GPC6: variants seen among roughly 807,000 people sequenced by gnomAD.
The protein encoded by GPC6 is glypican 6.
GPC6 carries 14 observed loss-of-function variants against 55.2 expected under a neutral mutation model. The observed-to-expected ratio is 0.25, with a 90% confidence interval of 0.17 to 0.40. GPC6 has a LOEUF of 0.40. GPC6 is among the 10% of genes least tolerant of loss of function. GPC6 has a pLI of 1.00. For missense variants in GPC6, 641 were observed against 708.5 expected (o/e 0.90, Z 1.08); for synonymous variants, 278 against 259.6 (o/e 1.07, Z -0.68).
chr13:94,071,879 A>C (rs991853521), intron 4 of GPC6, among the ~76,000 whole-genome samples: 1 of 152,352 alleles, frequency 6.6e-6, no homozygotes, highest in Non-Finnish European at 1.5e-5. Flanking sequence ...GTCACAGGAC[A>C]CCCAAAGTCT....
intron 1 of GPC6, among the ~76,000 whole-genome samples, chr13:93,356,483 G>C (rs1050397624): frequency 1.3e-5 from 2 of 152,190 alleles, no homozygotes; most frequent in African/African-American, 4.8e-5. Flanking sequence ...CAAGGGCAAG[G>C]TTCCTCATTT....
intron 1 of GPC6, among the ~76,000 whole-genome samples, chr13:93,495,721 T>G (rs1426263048): frequency 1.2e-4 from 15 of 128,324 alleles, no homozygotes; most frequent in African/African-American, 4.1e-4. Context: ...GTCCTTTCTG[T>G]TTGTTAGTAT....
chr13:93,500,824 G>A (rs1414726485), intron 1 of GPC6, among the ~76,000 whole-genome samples: 1 of 152,092 alleles, frequency 6.6e-6, no homozygotes, highest in East Asian at 1.9e-4. Flanking sequence ...ATTCTAAGCT[G>A]TTTCTTCCAA....
chr13:93,996,082 G>T (rs934322621), intron 3 of GPC6, among the ~76,000 whole-genome samples: 3 of 152,082 alleles, frequency 2.0e-5, no homozygotes, highest in Admixed American at 6.6e-5. Flanking sequence ...TTATTTTTCT[G>T]CAGTTATTTC....
chr13:93,848,949 CCTTAGAG>C (rs1444669430), intron 3 of GPC6, among the ~76,000 whole-genome samples: 1 of 152,134 alleles, frequency 6.6e-6, no homozygotes, highest in East Asian at 1.9e-4. Context: ...CCAGGAAGCT[CCTTAGAG>C]CTGAACCAGT....
In GPC6 at chr13:94,312,557, A is replaced by G. The variant is rs192625148; in HGVS notation, c.1152+6434A>G. Among the ~76,000 whole-genome samples, 104 of 152,320 alleles carry G rather than the reference A, an allele frequency of 6.8e-4. 1 individual carries two copies. The highest frequency in any genetic ancestry group is 2.1e-3 in the African/African-American group (88 of 41,586). On this transcript the variant is annotated intron_variant, in intron 6 of 8. Transcript: ENST00000377047. ...TCATTGTCACCTCAAAGGATTCTGC[A>G]CCCAGCTAAATCCACTAGTTTGCAT...
intron 1 of GPC6, among the ~76,000 whole-genome samples, chr13:93,524,783 C>T (rs1881584515): frequency 6.6e-6 from 1 of 152,018 alleles, no homozygotes. Flanking sequence ...TACAATCTTT[C>T]AAGTACCAAA....
At chr13:93,258,047 T>C (rs1489797815) in intron 1 of GPC6, among the ~76,000 whole-genome samples, 2 of 152,174 alleles carry the variant, frequency 1.3e-5, no homozygotes, top group Non-Finnish European at 2.9e-5. Flanking sequence ...AACTTTGTAG[T>C]ATTACATTGT....
At chr13:93,409,074 T>A (rs1351122591) in intron 1 of GPC6, among the ~76,000 whole-genome samples, 1 of 151,972 alleles carries the variant, frequency 6.6e-6, no homozygotes, top group African/African-American at 2.4e-5. Flanking sequence ...TGGAGGGAAG[T>A]AAAACTTCTA....
intron 3 of GPC6, among the ~76,000 whole-genome samples, chr13:93,886,775 A>G (rs1875364393): frequency 8.3e-6 from 1 of 120,656 alleles, no homozygotes; most frequent in Non-Finnish European, 1.8e-5. Flanking sequence ...TTTTTTTTTC[A>G]TATTTTTAAT....
intron 6 of GPC6, among the ~76,000 whole-genome samples, chr13:94,358,379 A>C (rs1457038053): frequency 6.6e-6 from 1 of 152,206 alleles, no homozygotes; most frequent in African/African-American, 2.4e-5. Context: ...TAAGTAAAGA[A>C]AATAAAGACA....
intron 2 of GPC6, among the ~76,000 whole-genome samples, chr13:93,662,615 A>G (rs1362886749): frequency 6.6e-6 from 1 of 152,060 alleles, no homozygotes; most frequent in African/African-American, 2.4e-5. Flanking sequence ...GGGGTACAAG[A>G]GCGAGACGTC....
chr13:93,535,284 C>A (rs1013207330), intron 1 of GPC6, among the ~76,000 whole-genome samples: 24 of 152,100 alleles, frequency 1.6e-4, no homozygotes, highest in African/African-American at 5.3e-4. Context: ...GGAATAATTT[C>A]ATTGTTATAT....
intron 1 of GPC6, among the ~76,000 whole-genome samples, chr13:93,504,554 A>G (rs1298166745): frequency 7.2e-6 from 1 of 138,382 alleles, no homozygotes; most frequent in Non-Finnish European, 1.5e-5. Context: ...GGTCTTATTC[A>G]TCATTGTATC....
At position 94,247,175 on chromosome 13, in the gene GPC6, C is replaced by T. The variant is rs181665598; in HGVS notation, c.878-39174C>T. On this transcript the variant is annotated intron_variant, in intron 4 of 8. Transcript: ENST00000377047. Reference sequence around the variant, plus strand: ...GGTCATTGTTTGTGTATTAAAATGTCATAGATTTTCATTTTTATTTTAAAT... The same window carrying T: ...GGTCATTGTTTGTGTATTAAAATGTTATAGATTTTCATTTTTATTTTAAAT... Among the ~76,000 whole-genome samples the T allele has an allele frequency of 2.0e-5, 3 of 152,116 alleles. No homozygotes were observed. In the East Asian group the frequency reaches 5.8e-4, roughly 29 times the overall value.
chr13:93,394,757 T>C (rs1409200477), intron 1 of GPC6, among the ~76,000 whole-genome samples: 1 of 152,194 alleles, frequency 6.6e-6, no homozygotes, highest in Admixed American at 6.5e-5. Flanking sequence ...AGTTCCACTG[T>C]GAATCTGGTC....
intron 1 of GPC6, among the ~76,000 whole-genome samples, chr13:93,238,615 A>G (rs1399763213): frequency 6.6e-6 from 1 of 152,102 alleles, no homozygotes; most frequent in African/African-American, 2.4e-5. Flanking sequence ...TATGTGTTCA[A>G]TAGAAGTAGT....
At chr13:94,244,149 G>C (rs1891131939) in intron 4 of GPC6, among the ~76,000 whole-genome samples, 1 of 152,084 alleles carries the variant, frequency 6.6e-6, no homozygotes, top group African/African-American at 2.4e-5. Context: ...GCAAGTTAGA[G>C]ATCTATTGTG....
chr13:94,348,751 A>C (rs2139165593), intron 6 of GPC6, among the ~76,000 whole-genome samples: 1 of 152,264 alleles, frequency 6.6e-6, no homozygotes, highest in South Asian at 2.1e-4. Context: ...ATCTTTAGCT[A>C]CTTTCTCATG....
Sources: allele counts gnomAD v4.1 joint callset (sites outside exome capture counted in the v4.1 genomes callset), GRCh38; gene constraint gnomAD v4.1.1; transcripts MANE v1.5; gene names NCBI Gene and HGNC (gene_info 2026-07-23, HGNC 2026-07-21).